GCN1: variants seen among roughly 807,000 people sequenced by gnomAD.
The protein encoded by GCN1 is stalled ribosome sensor GCN1.
Under a neutral mutation model 288.4 loss-of-function variants are expected in GCN1, and 90 were observed. The ratio of observed to expected loss-of-function variants is 0.31; its 90% confidence interval spans 0.26 to 0.37. The LOEUF is 0.37. Ranked by LOEUF, GCN1 falls within the 10% of genes least tolerant of loss-of-function variation. The pLI is 1.00. For synonymous variants in GCN1, 1,386 were observed against 1,420.2 expected, an observed-to-expected ratio of 0.98 and a Z score of 0.54; for missense variants, 2,586 against 3,419.9, an observed-to-expected ratio of 0.76 and a Z score of 6.08.
At position 120,153,987 on chromosome 12, in the gene GCN1, G is replaced by T; in HGVS notation, c.3702-78C>A. 1 of 1,271,822 alleles carries T rather than the reference G, an allele frequency of 7.9e-7. No individual in the cohort carries two copies. Among genetic ancestry groups the T allele is most frequent in the Non-Finnish European group, 1.1e-6 (1 of 903,752 alleles). The allele number at this position is 1,271,822 out of a possible 1,614,324, so 78.8% of individuals were successfully genotyped here. ...CCAGTGGAACCTCTGCTGGTGCACG[G>T]CAAGGAGAGGGAGCTTGCCTGAGGC... is the stretch of plus-strand genomic sequence containing the variant. On this transcript the variant is annotated intron_variant, in intron 31 of 57. Transcript: ENST00000300648. The surrounding 1 kb of genome is among the most constrained non-coding windows in gnomAD (Gnocchi z 4.4).
chr12:120,129,163 T>G, intron 57 of GCN1, 113 bp downstream of exon 57: 1 of 875,512 alleles, frequency 1.1e-6, no homozygotes, highest in Non-Finnish European at 1.8e-6. Context: ...TCCTGAAAGC[T>G]AGCACATCCG....
At chr12:120,133,544 A>T (rs1462185991) in intron 53 of GCN1, among the ~76,000 whole-genome samples, 2 of 152,084 alleles carry the variant, frequency 1.3e-5, no homozygotes, top group Non-Finnish European at 2.9e-5. Flanking sequence ...CACCCTGGAG[A>T]CCATTTATCC....
intron 7 of GCN1, among the ~76,000 whole-genome samples, chr12:120,178,281 C>T (rs1328926851): frequency 6.6e-6 from 1 of 152,196 alleles, no homozygotes; most frequent in African/African-American, 2.4e-5. Context: ...GTTTCTCAGA[C>T]TCAGTTCCAT....
rs376237519 is a variant in GCN1 at position 120,137,884 on chromosome 12, G to A, written c.6393+17C>T. Reference sequence around the variant, plus strand: ...GCAGACGGGACATGAGAAAGCAGGAGCAGGCTCGCCCCTTACCAGCTGCTC... The same window carrying A: ...GCAGACGGGACATGAGAAAGCAGGAACAGGCTCGCCCCTTACCAGCTGCTC... On this transcript the variant is annotated intron_variant, in intron 48 of 57. Coordinates refer to ENST00000300648, the MANE Select transcript of GCN1 (RefSeq NM_006836.2). This position sits in a 1 kb window ranked among gnomAD's most constrained non-coding sequence, Gnocchi z 5.2. 1.2e-6 allele frequency: 2 copies of A among 1,613,652 alleles called. No homozygotes were observed. Among genetic ancestry groups the A allele is most frequent in the African/African-American group, 2.7e-5 (2 of 74,916 alleles).
At position 120,149,972 on chromosome 12, in the gene GCN1, G is replaced by A. The variant is rs761239432; in HGVS notation, c.4381C>T (p.Leu1461=). 1.2e-6 allele frequency: 2 copies of A among 1,614,056 alleles called. No individual in the cohort carries two copies. The highest frequency in any genetic ancestry group is 1.3e-5 in the African/African-American group (1 of 75,030). The change falls in exon 35 of 58, where the codon CTG becomes TTG. Residue 1461 remains leucine, a synonymous_variant. Transcript: ENST00000300648. ...KLFEPYVVHV[L]PHLLLCFGDG... Reference sequence around the variant, plus strand: ...CCAAAGCACAGGAGCAGATGGGGCAGCACGTGAACCACATACGGCTCAAAA... The same window carrying A: ...CCAAAGCACAGGAGCAGATGGGGCAACACGTGAACCACATACGGCTCAAAA...
chr12:120,128,837 C>CTTTTTT (rs35329199), intron 57 of GCN1, among the ~76,000 whole-genome samples: 16 of 98,412 alleles, frequency 1.6e-4, no homozygotes, highest in South Asian at 7.1e-4. Context: ...TCACCCAAAT[C>CTTTTTT]TTTTTTTTTT....
chr12:120,189,208 G>A (rs1344499156), intron 2 of GCN1, among the ~76,000 whole-genome samples: 1 of 151,970 alleles, frequency 6.6e-6, no homozygotes, highest in Non-Finnish European at 1.5e-5. Flanking sequence ...GAGTAGCTAG[G>A]ATTACAGGCG....
intron 14 of GCN1, among the ~76,000 whole-genome samples, chr12:120,170,691 G>A (rs777299403): frequency 2.0e-5 from 3 of 151,948 alleles, no homozygotes; most frequent in Non-Finnish European, 4.4e-5. Flanking sequence ...TTCAATTGAT[G>A]GATAAGCAGA....
intron 2 of GCN1, among the ~76,000 whole-genome samples, chr12:120,188,462 C>G (rs1469915981): frequency 1.4e-5 from 2 of 147,578 alleles, no homozygotes; most frequent in East Asian, 4.1e-4. Context: ...AAAAAAACCT[C>G]TCCCAACTTA....
chr12:120,162,973 TGAAG>T lies in GCN1; in HGVS notation c.2039-6_2039-3del. 6.2e-7 allele frequency: 1 copy of T among 1,614,218 alleles called. No homozygotes were observed. The highest frequency in any genetic ancestry group is 1.3e-5 in the African/African-American group (1 of 75,072). On this transcript the variant is annotated splice_region_variant and splice_polypyrimidine_tract_variant and intron_variant, in intron 19 of 57. Transcript: ENST00000300648. Reference sequence around the variant, plus strand: ...GCCAAAGTCCAGACTGCACGGCAACTGAAGGGGAAGGGAGCTCTTTGAGGCCTTC... The same window carrying T: ...GCCAAAGTCCAGACTGCACGGCAACTGGGAAGGGAGCTCTTTGAGGCCTTC...
At position 120,137,245 on chromosome 12, in the gene GCN1, G is replaced by A. The variant is rs1437979672; in HGVS notation, c.6738C>T (p.Ser2246=). The A allele has an allele frequency of 1.9e-6, 3 of 1,614,140 alleles. No individual in the cohort carries two copies. The highest frequency in any genetic ancestry group is 1.3e-5 in the African/African-American group (1 of 75,040). Residue 2246 remains serine, a synonymous_variant, in exon 50 of 58, where the codon AGC becomes AGT. Coordinates refer to ENST00000300648, the MANE Select transcript of GCN1 (RefSeq NM_006836.2). This position sits in a 1 kb window ranked among gnomAD's most constrained non-coding sequence, Gnocchi z 5.2. ...HKEIRLIGNE[S]KGEHVPGFCL... ...AGAATCCTGGCACATGCTCGCCTTT[G>A]CTCTCGTTCCCTATGAGCCGGATTT...
rs1165434999 is a variant in GCN1, at chr12:120,157,855, C to T, written c.3081G>A (p.Val1027=). The T allele has an allele frequency of 1.2e-6, 2 of 1,613,152 alleles. No homozygotes were observed. The highest frequency in any genetic ancestry group is 8.5e-7 in the Non-Finnish European group (1 of 1,179,592). ...GCAGAGCTTCCCTGCCAACCTCGTC[C>T]ACCCGCCCGGGTGGGGTGTTGGGGG... The part of the protein sequence containing the change: ...RASPNTPPGR[V]DENGPELLPR... Residue 1027 remains valine, a synonymous_variant, in exon 26 of 58, where the codon GTG becomes GTA. Transcript: ENST00000300648.
Position 120,178,671 on chromosome 12 carries a change from T to C in GCN1, c.614A>G (p.Gln205Arg). The change falls in exon 7 of 58, where the codon CAG becomes CGG. Residue 205 changes from glutamine (Q) to arginine (R), a missense_variant. Gln to Arg is a conservative substitution (Grantham distance 43). Transcript: ENST00000300648. ...NYAGMLGLLV[Q>R]FCTSHKEMDV... ...CATCTCCTTGTGACTCGTGCAGAACTGCACCAGCAGCCCCAGCATGCCAGC... is the reference window on the plus strand; with the variant it reads ...CATCTCCTTGTGACTCGTGCAGAACCGCACCAGCAGCCCCAGCATGCCAGC... 1 of 1,614,208 alleles carries C rather than the reference T, an allele frequency of 6.2e-7. No individual in the cohort carries two copies. The highest frequency in any genetic ancestry group is 2.2e-5 in the East Asian group (1 of 44,886).
Position 120,137,888 on chromosome 12 carries a change from G to T in GCN1, c.6393+13C>A, listed in dbSNP as rs1391602282. ...ACGGGACATGAGAAAGCAGGAGCAG[G>T]CTCGCCCCTTACCAGCTGCTCATCT... is the stretch of plus-strand genomic sequence containing the variant. On this transcript the variant is annotated intron_variant, in intron 48 of 57. Transcript: ENST00000300648. This position sits in a 1 kb window ranked among gnomAD's most constrained non-coding sequence, Gnocchi z 5.2. 4 of 1,613,992 alleles carry T rather than the reference G, an allele frequency of 2.5e-6. No individual in the cohort carries two copies. The East Asian group carries it at 6.7e-5, about 27-fold the overall frequency.
At chr12:120,169,509 GT>G (rs1878250339) in intron 15 of GCN1, among the ~76,000 whole-genome samples, 2 of 151,852 alleles carry the variant, frequency 1.3e-5, no homozygotes, top group African/African-American at 2.4e-5. Flanking sequence ...TGGTAATACT[GT>G]TTTTTCTTTC....
chr12:120,136,794 T>G, intron 50 of GCN1, 62 bp from the exon 51 acceptor site: 2 of 1,275,740 alleles, frequency 1.6e-6, no homozygotes, highest in Non-Finnish European at 2.3e-6. Context: ...GTGTCTCCCA[T>G]GCAAGCAAAG....
intron 1 of GCN1, among the ~76,000 whole-genome samples, 177 bp downstream of exon 1, chr12:120,194,503 C>A (rs1879107823): frequency 6.6e-6 from 1 of 152,116 alleles, no homozygotes; most frequent in Admixed American, 6.5e-5. Flanking sequence ...GCCTGCGCCG[C>A]CCGGGCCGGG....
chr12:120,153,270 G>C lies in GCN1; in HGVS notation c.4005C>G (p.Pro1335=), dbSNP rs1483427893. 1.2e-6 allele frequency: 2 copies of C among 1,614,184 alleles called. No homozygotes were observed. The highest frequency in any genetic ancestry group is 2.2e-5 in the East Asian group (1 of 44,886). The change falls in exon 33 of 58, where the codon CCC becomes CCG. Residue 1335 remains proline, a synonymous_variant. Transcript: ENST00000300648. The surrounding 1 kb of genome is among the most constrained non-coding windows in gnomAD (Gnocchi z 4.4). ...GCTTGGCAACAATGGGCTTCACTTTGGGGTCACTCTTGTCCAGGTGCTTGG... is the reference window on the plus strand; with the variant it reads ...GCTTGGCAACAATGGGCTTCACTTTCGGGTCACTCTTGTCCAGGTGCTTGG... ...SLAKHLDKSD[P]KVKPIVAKLI...
intron 16 of GCN1, among the ~76,000 whole-genome samples, chr12:120,167,277 CA>C (rs1167270018): frequency 6.8e-6 from 1 of 148,136 alleles, no homozygotes; most frequent in Non-Finnish European, 1.5e-5. Context: ...CGCTTGAACC[CA>C]GGGGGAGAGG....
Sources: gnomAD v4.1 joint callset for allele counts (sites outside exome capture counted in the v4.1 genomes callset) on GRCh38, gnomAD v4.1.1 for gene constraint, Gnocchi (gnomAD v3.1) non-coding constraint, MANE v1.5 for transcripts, NCBI Gene and HGNC (gene_info 2026-07-23, HGNC 2026-07-21) for gene names.